Variants in SLC35F1 observed in about 807,000 individuals in gnomAD.
The protein encoded by SLC35F1 is chromosome 6 open reading frame 169.
SLC35F1 carries 14 observed loss-of-function variants against 48.7 expected under a neutral mutation model. The observed-to-expected ratio is 0.29, with a 90% CI of 0.19 to 0.45. The LOEUF (loss-of-function observed/expected upper bound fraction) is 0.45, where lower values mean the gene tolerates loss of function less well. Among genes scored for constraint, SLC35F1 ranks in the 20% least tolerant of loss-of-function variants. SLC35F1 has a pLI of 1.00. For missense variants in SLC35F1, 404 were observed against 500.0 expected (o/e 0.81, Z 1.83); for synonymous variants, 190 against 202.2 (o/e 0.94, Z 0.51).
At chr6:118,214,398 T>G (rs564213201) in intron 2 of SLC35F1, among the ~76,000 whole-genome samples, 1 of 152,152 alleles carries the variant, frequency 6.6e-6, no homozygotes, top group Non-Finnish European at 1.5e-5. Context: ...TACAAAAGAT[T>G]AAATTAGAGT....
At chr6:118,153,398 C>T (rs1405620522) in intron 1 of SLC35F1, among the ~76,000 whole-genome samples, 2 of 152,152 alleles carry the variant, frequency 1.3e-5, no homozygotes, top group African/African-American at 4.8e-5. Flanking sequence ...AAACATGAGA[C>T]TGTACTGCAT....
chr6:117,907,876 G>C lies in SLC35F1; in HGVS notation c.150G>C (p.Gln50His). 1 of 1,505,122 alleles carries C rather than the reference G, an allele frequency of 6.6e-7. No homozygotes were observed. Among genetic ancestry groups the C allele is most frequent in the Non-Finnish European group, 8.8e-7 (1 of 1,137,394 alleles). The allele number at this position is 1,505,122 out of a possible 1,614,324, so 93.2% of individuals were successfully genotyped here. ...CCTCCTCCCGGGCTGGCGTGCGCCA[G>C]AGGATCCGCAAAGTGCTGAACAGGT... is the stretch of plus-strand genomic sequence containing the variant. ...LSASSRAGVR[Q>H]RIRKVLNREM... The change falls in exon 1 of 8, where the codon CAG becomes CAC. Residue 50 changes from glutamine (Q) to histidine (H), a missense_variant. Around this residue, in one of 2 missense-constraint regions of SLC35F1, gnomAD observed 98 missense variants for 81.0 expected, o/e 1.21. Coordinates refer to ENST00000360388, the MANE Select transcript of SLC35F1 (RefSeq NM_001029858.4).
chr6:118,151,926 A>G (rs1203007451), intron 1 of SLC35F1, among the ~76,000 whole-genome samples: 1 of 151,618 alleles, frequency 6.6e-6, no homozygotes, highest in African/African-American at 2.4e-5. Context: ...CTTGTTGCCT[A>G]CGCCTCCTCT....
Position 118,235,621 on chromosome 6 carries a change from T to G in SLC35F1, c.462T>G (p.Thr154=). ...YLVVKAYQYT[T]LTSIQLLDCF... is the part of the protein sequence containing the mutation. Reference sequence around the variant, plus strand: ...TGGTCAAGGCTTACCAATACACAACTCTGACCAGTATCCAGGTACCCATGG... The same window carrying G: ...TGGTCAAGGCTTACCAATACACAACGCTGACCAGTATCCAGGTACCCATGG... The change falls in exon 3 of 8, where the codon ACT becomes ACG. Residue 154 remains threonine, a synonymous_variant. Coordinates refer to ENST00000360388, the MANE Select transcript of SLC35F1 (RefSeq NM_001029858.4). The G allele has an allele frequency of 1.9e-6, 3 of 1,613,274 alleles. No homozygotes were observed. The highest frequency in any genetic ancestry group is 2.5e-6 in the Non-Finnish European group (3 of 1,179,538).
intron 1 of SLC35F1, among the ~76,000 whole-genome samples, chr6:118,006,480 A>G (rs1414601269): frequency 6.6e-6 from 1 of 152,082 alleles, no homozygotes; most frequent in Non-Finnish European, 1.5e-5. Flanking sequence ...TTATCTGGGC[A>G]TGGTGATGCA....
chr6:118,085,803 T>C lies in SLC35F1; in HGVS notation c.174-68642T>C, dbSNP rs78984328. Among the ~76,000 whole-genome samples the C allele has an allele frequency of 8.8e-3, 1,335 of 152,290 alleles. 18 individuals carry two copies. The highest frequency in any genetic ancestry group is 0.03 in the African/African-American group (1,265 of 41,556). On this transcript the variant is annotated intron_variant, in intron 1 of 7. Coordinates refer to ENST00000360388, the MANE Select transcript of SLC35F1 (RefSeq NM_001029858.4). Reference sequence around the variant, plus strand: ...TTCAAACATAAGTTGAGTTACAAACTTGTGGAAATTTAAGCATTTGATGGA... The same window carrying C: ...TTCAAACATAAGTTGAGTTACAAACCTGTGGAAATTTAAGCATTTGATGGA...
intron 1 of SLC35F1, among the ~76,000 whole-genome samples, chr6:118,089,112 C>T (rs1306329825): frequency 6.6e-6 from 1 of 152,150 alleles, no homozygotes; most frequent in Non-Finnish European, 1.5e-5. Flanking sequence ...ATTGATGGAT[C>T]TGCTGATGGG....
intron 1 of SLC35F1, among the ~76,000 whole-genome samples, chr6:118,052,481 A>G (rs1562275578): frequency 6.6e-6 from 1 of 152,210 alleles, no homozygotes; most frequent in Non-Finnish European, 1.5e-5. Context: ...AACATCTTAG[A>G]AAAGGTGAAT....
At chr6:118,015,375 A>T (rs1777306907) in intron 1 of SLC35F1, among the ~76,000 whole-genome samples, 1 of 151,960 alleles carries the variant, frequency 6.6e-6, no homozygotes. Flanking sequence ...TTTGTGGTAC[A>T]GATTATTTTG....
chr6:118,066,681 T>C (rs974729999), intron 1 of SLC35F1, among the ~76,000 whole-genome samples: 3 of 151,042 alleles, frequency 2.0e-5, no homozygotes, highest in African/African-American at 7.3e-5. Flanking sequence ...GAAAGACTAA[T>C]ACAAAAACCA....
At chr6:118,292,363 G>C (rs1776135138) in intron 7 of SLC35F1, among the ~76,000 whole-genome samples, 1 of 152,144 alleles carries the variant, frequency 6.6e-6, no homozygotes, top group South Asian at 2.1e-4. Context: ...GTAGCTGAAA[G>C]TGCAATACAC....
At chr6:118,127,879 C>A (rs1345338143) in intron 1 of SLC35F1, among the ~76,000 whole-genome samples, 4 of 151,678 alleles carry the variant, frequency 2.6e-5, no homozygotes, top group African/African-American at 9.7e-5. Context: ...AGGCAACCTA[C>A]AAAATGGGAG....
chr6:118,001,732 A>G (rs920717839), intron 1 of SLC35F1, among the ~76,000 whole-genome samples: 3 of 152,330 alleles, frequency 2.0e-5, no homozygotes, highest in African/African-American at 2.4e-5. Flanking sequence ...AGAATGTACA[A>G]TGAACTCAAA....
chr6:118,055,159 G>T (rs1351228972), intron 1 of SLC35F1, among the ~76,000 whole-genome samples: 1 of 152,052 alleles, frequency 6.6e-6, no homozygotes, highest in Admixed American at 6.5e-5. Flanking sequence ...ATATTAGTAG[G>T]TGTTACTTTA....
intron 2 of SLC35F1, among the ~76,000 whole-genome samples, chr6:118,183,691 G>A (rs111583476): frequency 0.02 from 3,018 of 152,084 alleles, 97 homozygotes; most frequent in African/African-American, 0.068. Flanking sequence ...CTCAAACTAG[G>A]TAATTCAAGA....
At chr6:118,287,794 G>A (rs954597444) in intron 7 of SLC35F1, among the ~76,000 whole-genome samples, 4 of 152,178 alleles carry the variant, frequency 2.6e-5, no homozygotes, top group Non-Finnish European at 4.4e-5. Context: ...CAGGAAATGA[G>A]AGGGCTGATA....
At chr6:118,174,947 T>C (rs1192224093) in intron 2 of SLC35F1, among the ~76,000 whole-genome samples, 1 of 151,978 alleles carries the variant, frequency 6.6e-6, no homozygotes, top group African/African-American at 2.4e-5. Flanking sequence ...AAAGTACTCT[T>C]TAAAAGTGAA....
At chr6:118,162,867 C>A (rs920780529) in intron 2 of SLC35F1, among the ~76,000 whole-genome samples, 1 of 152,174 alleles carries the variant, frequency 6.6e-6, no homozygotes, top group East Asian at 1.9e-4. Flanking sequence ...CAGGGTGAAT[C>A]TGCACCAAAT....
chr6:117,951,910 A>G (rs192847912), intron 1 of SLC35F1, among the ~76,000 whole-genome samples: 1 of 152,338 alleles, frequency 6.6e-6, no homozygotes, highest in Admixed American at 6.5e-5. Context: ...ATTAAGCCCA[A>G]GGGATTTCCT....
Sources: allele counts gnomAD v4.1 joint callset (sites outside exome capture counted in the v4.1 genomes callset), GRCh38; gene constraint gnomAD v4.1.1; regional missense constraint gnomAD v4.1.1; transcripts MANE v1.5; gene names NCBI Gene and HGNC (gene_info 2026-07-23, HGNC 2026-07-21).